LEPR: variants seen among roughly 807,000 people sequenced by gnomAD.
The protein encoded by LEPR is OB receptor.
A neutral mutation model predicts 114.7 loss-of-function variants in LEPR; 56 were observed. The observed-to-expected ratio is 0.49, with a 90% CI of 0.39 to 0.61. The LOEUF is 0.61. LEPR is among the 20% of genes least tolerant of loss of function. LEPR has a pLI of 0.00. For synonymous variants in LEPR, 443 were observed against 461.4 expected, an observed-to-expected ratio of 0.96 and a Z score of 0.51; for missense variants, 1,202 against 1,352.9, an observed-to-expected ratio of 0.89 and a Z score of 1.75.
intron 2 of LEPR, among the ~76,000 whole-genome samples, chr1:65,480,936 A>G (rs932433635): frequency 2.6e-5 from 4 of 152,236 alleles, no homozygotes; most frequent in Non-Finnish European, 5.9e-5. Context: ...AAATACGTAT[A>G]TATTAGTTTC....
chr1:65,597,593 G>C (rs1656153410), intron 7 of LEPR, among the ~76,000 whole-genome samples: 1 of 152,212 alleles, frequency 6.6e-6, no homozygotes, highest in African/African-American at 2.4e-5. Flanking sequence ...AAAGGATGGT[G>C]TGGCTGAGGG....
At chr1:65,548,708 A>G (rs1362475158) in intron 2 of LEPR, among the ~76,000 whole-genome samples, 3 of 152,052 alleles carry the variant, frequency 2.0e-5, no homozygotes, top group Non-Finnish European at 4.4e-5. Context: ...GTGTCTCTGC[A>G]TGTGAGATGG....
chr1:65,451,690 A>G (rs1455862916), intron 2 of LEPR, among the ~76,000 whole-genome samples: 3 of 152,108 alleles, frequency 2.0e-5, no homozygotes. Flanking sequence ...GCCTTGTAGT[A>G]TAGTTTGAAG....
At chr1:65,600,334 G>A (rs1656364206) in intron 8 of LEPR, among the ~76,000 whole-genome samples, 1 of 152,012 alleles carries the variant, frequency 6.6e-6, no homozygotes, top group African/African-American at 2.4e-5. Flanking sequence ...GTAATTTTAT[G>A]CTACTAAGTT....
At chr1:65,556,694 G>C (rs1397542547) in intron 2 of LEPR, among the ~76,000 whole-genome samples, 1 of 152,102 alleles carries the variant, frequency 6.6e-6, no homozygotes, top group African/African-American at 2.4e-5. Context: ...TTGCTTTTGT[G>C]CATGTTGGCA....
At position 65,601,942 on chromosome 1, in the gene LEPR, T is replaced by C; in HGVS notation, c.1385T>C (p.Leu462Ser). 1.2e-6 allele frequency: 2 copies of C among 1,613,578 alleles called. No individual in the cohort carries two copies. The highest frequency in any genetic ancestry group is 1.7e-6 in the Non-Finnish European group (2 of 1,179,564). Residue 462 changes from leucine to serine, a missense_variant, in exon 10 of 20, where the codon TTG (leucine) becomes TCG (serine). Transcript: ENST00000349533. The part of the protein sequence containing the change: ...STIQSLAEST[L>S]QLRYHRSSLY... ...ATCCAGTCACTTGCGGAAAGCACTT[T>C]GCAATTGAGGTATCATAGGTACGTA...
intron 6 of LEPR, 24 bp from the exon 7 acceptor site, chr1:65,596,424 A>C: frequency 6.2e-7 from 1 of 1,611,670 alleles, no homozygotes; most frequent in Non-Finnish European, 8.5e-7. Flanking sequence ...TTGACTTAAA[A>C]GTATTCTCTT....
chr1:65,589,737 G>A (rs549397392), intron 5 of LEPR, among the ~76,000 whole-genome samples: 128 of 152,056 alleles, frequency 8.4e-4, no homozygotes, highest in Admixed American at 2.0e-3. Flanking sequence ...CCATGTAAGT[G>A]TTAGTCTATT....
chr1:65,595,298 AC>A (rs1204825508), intron 6 of LEPR, among the ~76,000 whole-genome samples: 3 of 152,056 alleles, frequency 2.0e-5, no homozygotes, highest in African/African-American at 7.2e-5. Context: ...GCATACATAT[AC>A]ATAAGGGGAC....
rs1417992958 is a variant in LEPR at position 65,618,154 on chromosome 1, T to A, written c.2395+8T>A. The A allele has an allele frequency of 6.3e-7, 1 of 1,597,974 alleles. No individual in the cohort carries two copies. The highest frequency in any genetic ancestry group is 1.1e-5 in the South Asian group (1 of 90,184). ...AGAAGTATTATATCCATGGTAAGTT[T>A]ACTATACTTTAGTAAGTTGCTCTCA... On this transcript the variant is annotated splice_region_variant and intron_variant, in intron 16 of 19. Transcript: ENST00000349533.
intron 19 of LEPR, chr1:65,634,444 T>TA: frequency 1.0e-6 from 1 of 968,326 alleles, no homozygotes; most frequent in Non-Finnish European, 1.2e-6. Flanking sequence ...TCTAAAATCT[T>TA]AAAAAAAGAT....
chr1:65,607,309 A>G (rs968806631), intron 11 of LEPR, among the ~76,000 whole-genome samples: 1 of 152,050 alleles, frequency 6.6e-6, no homozygotes. Context: ...GCCATCTCTC[A>G]CTTTAGATTG....
At chr1:65,628,630 C>T (rs1021087886) in intron 19 of LEPR, among the ~76,000 whole-genome samples, 13 of 152,112 alleles carry the variant, frequency 8.5e-5, no homozygotes, top group African/African-American at 2.9e-4. Flanking sequence ...ATTTAGTTCA[C>T]ACATTTGGAC....
intron 2 of LEPR, among the ~76,000 whole-genome samples, chr1:65,467,550 A>G (rs1647030477): frequency 6.6e-6 from 1 of 152,198 alleles, no homozygotes; most frequent in South Asian, 2.1e-4. Context: ...ATGCTGACAG[A>G]ACCACTGCTC....
rs116239759 is a variant in LEPR at position 65,529,809 on chromosome 1, A to G, written c.-20-35737A>G. Among the ~76,000 whole-genome samples, 801 of 152,228 alleles carry G rather than the reference A, an allele frequency of 5.3e-3. 10 individuals are homozygous for G. The highest frequency in any genetic ancestry group is 0.019 in the African/African-American group (770 of 41,540). ...TGCTCCTTGAAACAGTCCCTTACTG[A>G]CTTCCAGGACACCATGCATTCTTGA... On this transcript the variant is annotated intron_variant, in intron 2 of 19. Transcript: ENST00000349533.
chr1:65,444,237 A>G (rs532942361), intron 2 of LEPR, among the ~76,000 whole-genome samples: 3 of 152,128 alleles, frequency 2.0e-5, no homozygotes, highest in African/African-American at 7.2e-5. Flanking sequence ...AAGTTTGGAC[A>G]GTGAAACTTT....
At chr1:65,533,705 G>C (rs1650562007) in intron 2 of LEPR, among the ~76,000 whole-genome samples, 1 of 152,076 alleles carries the variant, frequency 6.6e-6, no homozygotes, top group Admixed American at 6.6e-5. Flanking sequence ...TTTTCACTAA[G>C]ATCAGTTTAA....
intron 19 of LEPR, among the ~76,000 whole-genome samples, chr1:65,629,631 C>G (rs1658411353): frequency 6.6e-6 from 1 of 151,490 alleles, no homozygotes; most frequent in Admixed American, 6.6e-5. Context: ...CTTCCTTCCT[C>G]TTCCTCCCTC....
At chr1:65,434,449 A>T in intron 2 of LEPR, 1 of 985,420 alleles carries the variant, frequency 1.0e-6, no homozygotes, top group Non-Finnish European at 1.2e-6. Flanking sequence ...ATCATGTTTC[A>T]AACAAGTGGG....
Sources: allele counts gnomAD v4.1 joint callset (sites outside exome capture counted in the v4.1 genomes callset), GRCh38; gene constraint gnomAD v4.1.1; transcripts MANE v1.5; gene names NCBI Gene and HGNC (gene_info 2026-07-23, HGNC 2026-07-21).